UBXN7: variants seen among roughly 807,000 people sequenced by gnomAD.
UBXN7 encodes UBX domain protein 7.
In UBXN7, 9 loss-of-function variants were observed where a neutral mutation model predicts 58.0. The ratio of observed to expected loss-of-function variants is 0.16; its 90% CI spans 0.09 to 0.27. UBXN7 has a LOEUF of 0.27. Ranked by LOEUF, UBXN7 falls within the 10% of genes least tolerant of loss-of-function variation. The probability of loss-of-function intolerance (pLI) is 1.00; values close to 1 mark genes in which losing one functional copy is unlikely to be tolerated. For synonymous variants in UBXN7, 208 were observed against 205.0 expected (o/e 1.01, Z -0.12); for missense variants, 328 against 599.6 (o/e 0.55, Z 4.73).
intron 10 of UBXN7, among the ~76,000 whole-genome samples, chr3:196,358,825 T>TC (rs1199436470): frequency 4.0e-5 from 6 of 150,536 alleles, no homozygotes; most frequent in African/African-American, 1.5e-4. Context: ...CCTCTTTCTT[T>TC]TTTTTTTTTT....
chr3:196,423,971 CCT>C (rs1242095431), intron 1 of UBXN7, among the ~76,000 whole-genome samples: 1 of 150,548 alleles, frequency 6.6e-6, no homozygotes, highest in Non-Finnish European at 1.5e-5. Flanking sequence ...CTCTCTGCAA[CCT>C]CTGACTCCCG....
At chr3:196,426,175 A>G (rs1192825830) in intron 1 of UBXN7, among the ~76,000 whole-genome samples, 1 of 151,774 alleles carries the variant, frequency 6.6e-6, no homozygotes, top group Non-Finnish European at 1.5e-5. Context: ...CCTGAGGTCA[A>G]GAGTTTGAGA....
At position 196,356,449 on chromosome 3, in the gene UBXN7, G is replaced by C. The variant is rs1327085464; in HGVS notation, c.*236C>G. 2 of 402,288 alleles carry C rather than the reference G, an allele frequency of 5.0e-6. No homozygotes were observed. Among genetic ancestry groups the C allele is most frequent in the African/African-American group, 4.2e-5 (2 of 47,430 alleles). The allele number at this position is 402,288 out of a possible 1,614,324, so 24.9% of individuals were successfully genotyped here. The stretch of plus-strand genomic sequence containing the variant: ...AGATTAGGTAAGAAAGAAAAGTGTG[G>C]GGGGAGGGGGAGGCAGAAGGGTACG... On this transcript the variant is annotated 3_prime_UTR_variant, in exon 11 of 11. Coordinates refer to ENST00000296328, the MANE Select transcript of UBXN7 (RefSeq NM_015562.2).
chr3:196,388,494 T>A (rs1729482232), intron 5 of UBXN7, among the ~76,000 whole-genome samples: 1 of 151,318 alleles, frequency 6.6e-6, no homozygotes, highest in Admixed American at 6.6e-5. Flanking sequence ...TTCCAGTCTC[T>A]CTCACATGCA....
At chr3:196,423,093 C>T (rs912367778) in intron 1 of UBXN7, among the ~76,000 whole-genome samples, 2 of 152,238 alleles carry the variant, frequency 1.3e-5, no homozygotes, top group Admixed American at 6.5e-5. Flanking sequence ...GCCAAGTCCT[C>T]GCCTGGCTGC....
intron 1 of UBXN7, among the ~76,000 whole-genome samples, chr3:196,411,740 G>A (rs1013481149): frequency 6.6e-6 from 1 of 152,172 alleles, no homozygotes; most frequent in Non-Finnish European, 1.5e-5. Context: ...AACCTGGGAG[G>A]CGGAGGTTGC....
intron 8 of UBXN7, among the ~76,000 whole-genome samples, chr3:196,364,378 A>T (rs888453075): frequency 3.9e-5 from 6 of 152,172 alleles, no homozygotes; most frequent in Non-Finnish European, 7.4e-5. Context: ...TTTTAAAAAT[A>T]AAAAAGGCTT....
intron 1 of UBXN7, among the ~76,000 whole-genome samples, chr3:196,425,178 T>C (rs1730808317): frequency 1.3e-5 from 2 of 152,144 alleles, no homozygotes; most frequent in African/African-American, 4.8e-5. Flanking sequence ...CATACCTTCA[T>C]AAATAGCACT....
Position 196,406,800 on chromosome 3 carries a change from C to T in UBXN7, c.221+446G>A, listed in dbSNP as rs372078454. Among the ~76,000 whole-genome samples, 516 of 152,276 alleles carry T rather than the reference C, an allele frequency of 3.4e-3. 3 individuals carry two copies. Among genetic ancestry groups the T allele is most frequent in the Non-Finnish European group, 5.3e-3 (361 of 68,026 alleles). On this transcript the variant is annotated intron_variant, in intron 2 of 10. Coordinates refer to ENST00000296328, the MANE Select transcript of UBXN7 (RefSeq NM_015562.2). The stretch of plus-strand genomic sequence containing the variant: ...ACATTTCTGTGACAATGTAGAAAAA[C>T]CTAAAATTGGGAAATCTGAACTTTA...
chr3:196,364,870 AT>A lies in UBXN7; in HGVS notation c.835-2184del, dbSNP rs1356861769. Among the ~76,000 whole-genome samples, 4 of 152,104 alleles carry A rather than the reference AT, an allele frequency of 2.6e-5. No homozygotes were observed. In the East Asian group the frequency reaches 7.7e-4, roughly 29 times the overall value. On this transcript the variant is annotated intron_variant, in intron 8 of 10. Coordinates refer to ENST00000296328, the MANE Select transcript of UBXN7 (RefSeq NM_015562.2). ...CACCACCACACCCGGCCAAAGGAAAATTTTAAAGTAAACTTCAGGCGAACTT... is the reference window on the plus strand; with the variant it reads ...CACCACCACACCCGGCCAAAGGAAAATTTAAAGTAAACTTCAGGCGAACTT...
chr3:196,417,831 G>A (rs1250493214), intron 1 of UBXN7, among the ~76,000 whole-genome samples: 1 of 150,894 alleles, frequency 6.6e-6, no homozygotes, highest in Non-Finnish European at 1.5e-5. Context: ...AGGCTGAGGT[G>A]GAAGGATTGC....
intron 1 of UBXN7, among the ~76,000 whole-genome samples, chr3:196,422,988 G>A (rs1227768228): frequency 6.6e-6 from 1 of 152,204 alleles, no homozygotes; most frequent in Non-Finnish European, 1.5e-5. Context: ...AGAGCAAGAA[G>A]CCAGACTCAA....
At position 196,372,013 on chromosome 3, in the gene UBXN7, C is replaced by T. The variant is rs1168717333; in HGVS notation, c.498G>A (p.Lys166=). Residue 166 remains lysine (K), a synonymous_variant, in exon 6 of 11, where the codon AAG becomes AAA. Transcript: ENST00000296328. The part of the protein sequence containing the change: ...TAKECGQMQN[K]WLMINIQNVQ... ...CATTTTGAATGTTTATCATCAGCCA[C>T]TTATTTTGCATCTGGCCACACTCTT... The T allele has an allele frequency of 1.2e-6, 2 of 1,611,550 alleles. No homozygotes were observed. Among genetic ancestry groups the T allele is most frequent in the Non-Finnish European group, 1.7e-6 (2 of 1,179,282 alleles).
intron 1 of UBXN7, among the ~76,000 whole-genome samples, chr3:196,417,135 A>G (rs865945840): frequency 1.8e-4 from 28 of 152,240 alleles, no homozygotes; most frequent in Admixed American, 1.7e-3. Context: ...AACACGGTGA[A>G]ACCCCGTCTC....
chr3:196,393,386 G>C (rs905401822), intron 4 of UBXN7, among the ~76,000 whole-genome samples, 168 bp downstream of exon 4: 1 of 152,104 alleles, frequency 6.6e-6, no homozygotes, highest in African/African-American at 2.4e-5. Context: ...AAATAGGTTA[G>C]AATTTGGAAC....
intron 3 of UBXN7, chr3:196,393,870 A>C (rs1729660937): frequency 3.8e-6 from 1 of 265,582 alleles, no homozygotes; most frequent in African/African-American, 2.2e-5. Flanking sequence ...CAAAAAATAA[A>C]AAAGTTTAAA....
At chr3:196,432,244 C>T (rs767217432) in intron 1 of UBXN7, 83 bp downstream of exon 1, 1 of 1,561,772 alleles carries the variant, frequency 6.4e-7, no homozygotes. Flanking sequence ...AGGAGGAATG[C>T]CTGAAGGTAA....
intron 5 of UBXN7, among the ~76,000 whole-genome samples, chr3:196,381,866 G>C (rs562641084): frequency 1.3e-5 from 2 of 152,280 alleles, no homozygotes; most frequent in Admixed American, 1.3e-4. Flanking sequence ...TAGCTGATTT[G>C]ATCAAGTGGA....
intron 1 of UBXN7, among the ~76,000 whole-genome samples, chr3:196,415,773 T>A (rs558132959): frequency 2.4e-4 from 35 of 148,600 alleles, no homozygotes; most frequent in African/African-American, 8.6e-4. Context: ...AGAGCGAGAC[T>A]TCATCTCAAA....
Sources: gnomAD v4.1 joint callset for allele counts (sites outside exome capture counted in the v4.1 genomes callset) on GRCh38, gnomAD v4.1.1 for gene constraint, MANE v1.5 for transcripts, NCBI Gene and HGNC (gene_info 2026-07-23, HGNC 2026-07-21) for gene names.